Variants in MTHFD1L observed in about 807,000 individuals in gnomAD.
MTHFD1L encodes monofunctional C1-tetrahydrofolate synthase, mitochondrial.
In MTHFD1L, 81 loss-of-function variants were observed where a neutral mutation model predicts 119.5. The observed-to-expected ratio is 0.68, with a 90% CI of 0.57 to 0.82. The LOEUF (loss-of-function observed/expected upper bound fraction) is 0.82, where lower values mean the gene tolerates loss of function less well. Among genes scored for constraint, MTHFD1L ranks in the 40% least tolerant of loss-of-function variants. The pLI, the probability that MTHFD1L is intolerant of heterozygous loss-of-function variation, is 0.00. For synonymous variants in MTHFD1L, 430 were observed against 475.2 expected (o/e 0.90, Z 1.24); for missense variants, 1,125 against 1,253.4 (o/e 0.90, Z 1.55).
intron 25 of MTHFD1L, among the ~76,000 whole-genome samples, chr6:151,035,278 C>T (rs1175763199): frequency 3.9e-5 from 6 of 152,170 alleles, no homozygotes. Context: ...ACCAAAAGGA[C>T]CGTATGCCTC....
chr6:151,045,771 A>G (rs368359136), intron 26 of MTHFD1L, among the ~76,000 whole-genome samples: 1 of 151,998 alleles, frequency 6.6e-6, no homozygotes, highest in African/African-American at 2.4e-5. Context: ...CTTTCTCCCA[A>G]ATATGCATTT....
chr6:151,035,526 T>G (rs1453777929), intron 25 of MTHFD1L, among the ~76,000 whole-genome samples: 1 of 152,238 alleles, frequency 6.6e-6, no homozygotes, highest in African/African-American at 2.4e-5. Flanking sequence ...TTCTAAATTC[T>G]TAGAATTTTC....
chr6:150,995,674 C>G (rs540251242), intron 20 of MTHFD1L, among the ~76,000 whole-genome samples: 3 of 151,894 alleles, frequency 2.0e-5, no homozygotes, highest in Admixed American at 2.0e-4. Context: ...TAACATATTT[C>G]TTTTGTTTTG....
intron 15 of MTHFD1L, among the ~76,000 whole-genome samples, chr6:150,946,248 C>A (rs1186617950): frequency 2.6e-3 from 263 of 101,026 alleles, no homozygotes; most frequent in Non-Finnish European, 4.5e-3. Flanking sequence ...CTTCCTGGTT[C>A]AAGTGATTCT....
chr6:150,938,874 C>A, intron 13 of MTHFD1L, 129 bp downstream of exon 13: 1 of 1,019,040 alleles, frequency 9.8e-7, no homozygotes, highest in Non-Finnish European at 1.5e-6. Flanking sequence ...TCTGAAACCC[C>A]AAAATGTTTG....
intron 18 of MTHFD1L, among the ~76,000 whole-genome samples, chr6:150,961,502 C>T (rs1796455592): frequency 1.3e-5 from 2 of 152,172 alleles, no homozygotes; most frequent in Non-Finnish European, 1.5e-5. Flanking sequence ...GCCATTACTC[C>T]AAATTTAAGT....
chr6:150,939,488 C>G (rs1292938335), intron 13 of MTHFD1L, among the ~76,000 whole-genome samples: 1 of 152,108 alleles, frequency 6.6e-6, no homozygotes, highest in African/African-American at 2.4e-5. Context: ...CTCTCTGCAT[C>G]AGCCTTATCA....
chr6:151,006,508 G>A (rs1446946368), intron 20 of MTHFD1L, among the ~76,000 whole-genome samples: 5 of 152,098 alleles, frequency 3.3e-5, no homozygotes, highest in South Asian at 2.1e-4. Context: ...AGGGAAGCAG[G>A]AACCACTGAA....
At chr6:150,873,377 G>A (rs1252485592) in intron 1 of MTHFD1L, among the ~76,000 whole-genome samples, 1 of 152,156 alleles carries the variant, frequency 6.6e-6, no homozygotes. Context: ...GAATGTTTCT[G>A]AGAAAATTAT....
At chr6:151,021,107 C>T (rs572447753) in intron 24 of MTHFD1L, among the ~76,000 whole-genome samples, 1 of 152,308 alleles carries the variant, frequency 6.6e-6, no homozygotes, top group South Asian at 2.1e-4. Flanking sequence ...AGGCCTCCTA[C>T]TGTGGACACA....
chr6:150,868,404 A>G (rs1003422608), intron 1 of MTHFD1L, among the ~76,000 whole-genome samples: 1 of 140,378 alleles, frequency 7.1e-6, no homozygotes, highest in African/African-American at 2.7e-5. Flanking sequence ...CAGTGGCGGG[A>G]TCTCGGCTCA....
At chr6:151,095,963 C>T (rs1250548492) in intron 27 of MTHFD1L, among the ~76,000 whole-genome samples, 2 of 152,208 alleles carry the variant, frequency 1.3e-5, no homozygotes, top group Non-Finnish European at 1.5e-5. Context: ...CCAGAGAAGT[C>T]GACAACCTGC....
At chr6:151,080,623 G>GTA (rs1327661474) in intron 26 of MTHFD1L, among the ~76,000 whole-genome samples, 1 of 152,250 alleles carries the variant, frequency 6.6e-6, no homozygotes, top group East Asian at 1.9e-4. Flanking sequence ...ATAAGTAAGT[G>GTA]TATTAGTCTG....
At chr6:151,066,006 A>G (rs952533576) in intron 26 of MTHFD1L, among the ~76,000 whole-genome samples, 1 of 144,566 alleles carries the variant, frequency 6.9e-6, no homozygotes, top group African/African-American at 2.8e-5. Flanking sequence ...CTAAATTTAT[A>G]GTAGCTCCTC....
intron 20 of MTHFD1L, among the ~76,000 whole-genome samples, chr6:151,001,053 A>G (rs1414266248): frequency 1.3e-5 from 2 of 152,336 alleles, no homozygotes; most frequent in South Asian, 4.1e-4. Context: ...CCGTGCGCTC[A>G]TATTTCTTAA....
chr6:151,001,417 G>A (rs1041340160), intron 20 of MTHFD1L, among the ~76,000 whole-genome samples: 3 of 152,226 alleles, frequency 2.0e-5, no homozygotes, highest in Non-Finnish European at 4.4e-5. Flanking sequence ...ATTTTTCAAA[G>A]TCCAAGGAGG....
chr6:151,067,550 C>G (rs1398176032), intron 26 of MTHFD1L, among the ~76,000 whole-genome samples: 1 of 152,202 alleles, frequency 6.6e-6, no homozygotes, highest in Non-Finnish European at 1.5e-5. Flanking sequence ...TCTCGAACTC[C>G]TGGCCTCAAG....
At chr6:151,091,573 T>C (rs142399513) in intron 26 of MTHFD1L, among the ~76,000 whole-genome samples, 39 of 152,266 alleles carry the variant, frequency 2.6e-4, no homozygotes, top group African/African-American at 8.7e-4. Flanking sequence ...TAGCCATGTG[T>C]CCTTGAGCTC....
chr6:150,908,200 G>A (rs558645698), intron 8 of MTHFD1L, among the ~76,000 whole-genome samples: 9 of 151,612 alleles, frequency 5.9e-5, no homozygotes, highest in East Asian at 2.0e-4. Flanking sequence ...GAGCCACTGG[G>A]CCTGGCTAAC....
Sources: allele counts gnomAD v4.1 joint callset (sites outside exome capture counted in the v4.1 genomes callset), GRCh38; gene constraint gnomAD v4.1.1; transcripts MANE v1.5; gene names NCBI Gene and HGNC (gene_info 2026-07-23, HGNC 2026-07-21).